CPT1C: variants seen among roughly 807,000 people sequenced by gnomAD.
CPT1C encodes carnitine palmitoyltransferase 1C, also known as palmitoyl thioesterase CPT1C.
In CPT1C, 61 loss-of-function variants were observed where a neutral mutation model predicts 97.3. The observed-to-expected ratio is 0.63, with a 90% CI of 0.51 to 0.78. The LOEUF is 0.78. Ranked by LOEUF, CPT1C falls within the 30% of genes least tolerant of loss-of-function variation. The pLI, the probability that CPT1C is intolerant of heterozygous loss-of-function variation, is 0.00. For synonymous variants in CPT1C, 469 were observed against 447.2 expected (o/e 1.05, Z -0.61); for missense variants, 975 against 1,065.5 (o/e 0.92, Z 1.18).
intron 17 of CPT1C, 122 bp downstream of exon 17, chr19:49,712,083 C>A: frequency 8.2e-7 from 1 of 1,220,618 alleles, no homozygotes; most frequent in Non-Finnish European, 1.1e-6. Context: ...TGGCTCACGC[C>A]TGTAATCCCA....
chr19:49,705,194 C>G lies in CPT1C; in HGVS notation c.880-20C>G, dbSNP rs745995686. 2 of 1,614,110 alleles carry G rather than the reference C, an allele frequency of 1.2e-6. No individual in the cohort carries two copies. Among genetic ancestry groups the G allele is most frequent in the Admixed American group, 3.3e-5 (2 of 60,016 alleles). On this transcript the variant is annotated intron_variant, in intron 9 of 19. Coordinates refer to ENST00000598293, the MANE Select transcript of CPT1C (RefSeq NM_001199753.2). Reference sequence around the variant, plus strand: ...CACGTGGGTCCTGGAAGGCAGCTCACAGCCCACGGTTTCCTGCAGACTTTG... The same window carrying G: ...CACGTGGGTCCTGGAAGGCAGCTCAGAGCCCACGGTTTCCTGCAGACTTTG...
intron 17 of CPT1C, 105 bp downstream of exon 17, chr19:49,712,066 G>A (rs755450851): frequency 5.8e-6 from 8 of 1,378,016 alleles, no homozygotes; most frequent in Non-Finnish European, 6.9e-6. Context: ...ATCAAGGCCG[G>A]GCACGGTGGC....
rs1305834135 is a variant in CPT1C at position 49,706,373 on chromosome 19, G to A, written c.1303G>A (p.Ala435Thr). Residue 435 changes from alanine to threonine, a missense_variant, in exon 12 of 20, where the codon GCC becomes ACC. By Grantham distance (58) the Ala-to-Thr change is moderately conservative. Coordinates refer to ENST00000598293, the MANE Select transcript of CPT1C (RefSeq NM_001199753.2). The surrounding 1 kb of genome is among the most constrained non-coding windows in gnomAD (Gnocchi z 4.8). ...GGAGGACCCGGCAGCGTCGTTGGAT[G>A]CCTACGCCCATGCTCTGCTGGCCGG... ...TREDPAASLD[A>T]YAHALLAGRG... 8 of 1,509,822 alleles carry A rather than the reference G, an allele frequency of 5.3e-6. No homozygotes were observed. The highest frequency in any genetic ancestry group is 6.2e-6 in the Non-Finnish European group (7 of 1,135,300). The allele number at this position is 1,509,822 out of a possible 1,614,324, so 93.5% of individuals were successfully genotyped here.
intron 13 of CPT1C, 99 bp from the exon 14 acceptor site, chr19:49,708,624 C>G (rs1354765290): frequency 2.4e-6 from 2 of 834,130 alleles, no homozygotes; most frequent in Non-Finnish European, 4.2e-6. Flanking sequence ...TCAGGGACTG[C>G]CCCCTACCCG....
At chr19:49,707,679 G>A (rs1022596134) in intron 13 of CPT1C, 56 bp downstream of exon 13, 17 of 1,170,040 alleles carry the variant, frequency 1.5e-5, no homozygotes, top group African/African-American at 4.6e-5. Flanking sequence ...TCCAAAGACC[G>A]TCCTCTCCAG....
Position 49,712,999 on chromosome 19 carries a change from T to C in CPT1C, c.2161T>C (p.Tyr721His). 3.1e-6 allele frequency: 5 copies of C among 1,614,032 alleles called. No homozygotes were observed. Among genetic ancestry groups the C allele is most frequent in the Non-Finnish European group, 4.2e-6 (5 of 1,179,978 alleles). ...TGATGACCATGGTTATGGTGTTTCTTATATCTTCATGGGGGATGGCATGAT... is the reference window on the plus strand; with the variant it reads ...TGATGACCATGGTTATGGTGTTTCTCATATCTTCATGGGGGATGGCATGAT... ...PADDHGYGVSYIFMGDGMITF... is the reference protein window; with the variant it reads ...PADDHGYGVSHIFMGDGMITF... The change falls in exon 19 of 20, where the codon TAT (tyrosine) becomes CAT (histidine). Residue 721 changes from tyrosine (Y) to histidine (H), a missense_variant. Tyr to His is a moderately conservative substitution (Grantham distance 83). Transcript: ENST00000598293.
At position 49,713,419 on chromosome 19, in the gene CPT1C, G is replaced by C. The variant is rs2084050162; in HGVS notation, c.2227-1G>C. ...CTGGCTCTGACCTGTTCTCCTTCCA[G>C]GATTCCCACAGGCTGGGGCAGCACA... On this transcript the variant is annotated splice_acceptor_variant, in intron 19 of 19. Transcript: ENST00000598293. LOFTEE classifies it high-confidence loss of function. 6.2e-7 allele frequency: 1 copy of C among 1,609,304 alleles called. No individual in the cohort carries two copies. Among genetic ancestry groups the C allele is most frequent in the Non-Finnish European group, 8.5e-7 (1 of 1,177,870 alleles).
At chr19:49,711,014 G>C (rs536716160) in intron 16 of CPT1C, 157 bp downstream of exon 16, 16 of 691,058 alleles carry the variant, frequency 2.3e-5, no homozygotes, top group South Asian at 2.2e-4. Context: ...GCTCACTGAT[G>C]GGGGGAGACA....
At chr19:49,713,278 C>T (rs969459421) in intron 19 of CPT1C, 142 bp from the exon 20 acceptor site, 3 of 835,622 alleles carry the variant, frequency 3.6e-6, no homozygotes, top group Non-Finnish European at 3.7e-6. Flanking sequence ...GGCCCCCAGC[C>T]CCTCCTCCCT....
chr19:49,697,835 A>G (rs12984268), intron 4 of CPT1C: 22,814 of 176,424 alleles, frequency 0.13, 1,757 homozygotes, highest in Non-Finnish European at 0.17. Context: ...ATCAACTGAG[A>G]TCAGGAGTTC....
Position 49,711,817 on chromosome 19 carries a change from G to A in CPT1C, c.1875G>A (p.Gln625=). The A allele has an allele frequency of 6.2e-7, 1 of 1,611,514 alleles. No homozygotes were observed. Among genetic ancestry groups the A allele is most frequent in the Non-Finnish European group, 8.5e-7 (1 of 1,179,316 alleles). Residue 625 remains glutamine, a synonymous_variant, in exon 17 of 20, where the codon CAG becomes CAA. Transcript: ENST00000598293. ...CTCCCTGGGGACTGCAGGACCCACA[G>A]TGCCTCGCCCTGTTCCGCGTGGCAG... ...AMEDKEKTDP[Q]CLALFRVAVD... is the part of the protein sequence containing the mutation.
Position 49,701,198 on chromosome 19 carries a change from C to G in CPT1C, c.454-119C>G, listed in dbSNP as rs2083029582. 4.1e-5 allele frequency: 33 copies of G among 799,572 alleles called. No homozygotes were observed. The East Asian group carries it at 9.0e-4, about 22-fold the overall frequency. The allele number at this position is 799,572 out of a possible 1,614,324, so 49.5% of individuals were successfully genotyped here. A position where few individuals can be genotyped will look rare whatever the true frequency, so the allele number is the denominator to read the frequency against. ...TCTGTTCCTTTCTCTCTTGGGGTCT[C>G]CGATGCTCTTAAGTCTCTGTGTCCT... On this transcript the variant is annotated intron_variant, in intron 5 of 19. Coordinates refer to ENST00000598293, the MANE Select transcript of CPT1C (RefSeq NM_001199753.2).
chr19:49,694,069 AAAAAT>A (rs1354961809), intron 3 of CPT1C, among the ~76,000 whole-genome samples: 2 of 138,630 alleles, frequency 1.4e-5, no homozygotes, highest in South Asian at 2.2e-4. Flanking sequence ...CGTCTCAAAA[AAAAAT>A]AAAATAAAAT....
intron 7 of CPT1C, among the ~76,000 whole-genome samples, chr19:49,702,713 TC>T (rs1270470107): frequency 6.7e-6 from 1 of 150,236 alleles, no homozygotes; most frequent in East Asian, 1.9e-4. Context: ...AGACTGAGGA[TC>T]CTGGACTCTT....
At chr19:49,697,237 T>G in intron 3 of CPT1C, 89 bp from the exon 4 acceptor site, 1 of 1,553,972 alleles carries the variant, frequency 6.4e-7, no homozygotes, top group Non-Finnish European at 8.9e-7. Context: ...GGCTCCGCAC[T>G]GGGTGCTCAG....
At position 49,706,181 on chromosome 19, in the gene CPT1C, C is replaced by T; in HGVS notation, c.1161-50C>T. 6.5e-7 allele frequency: 1 copy of T among 1,548,450 alleles called. No homozygotes were observed. Among genetic ancestry groups the T allele is most frequent in the Middle Eastern group, 1.7e-4 (1 of 5,756 alleles). On this transcript the variant is annotated intron_variant, in intron 11 of 19. Coordinates refer to ENST00000598293, the MANE Select transcript of CPT1C (RefSeq NM_001199753.2). The surrounding 1 kb of genome is among the most constrained non-coding windows in gnomAD (Gnocchi z 4.8). ...GAGACTGTGGAAGGGCAGGGTGGGGCCAGGTGGCGGCTGGGCAGGATGGAC... is the reference window on the plus strand; with the variant it reads ...GAGACTGTGGAAGGGCAGGGTGGGGTCAGGTGGCGGCTGGGCAGGATGGAC...
In CPT1C at chr19:49,713,727, C is replaced by T. The variant is rs866374940; in HGVS notation, c.*122C>T. The T allele has an allele frequency of 1.1e-6, 1 of 914,874 alleles. No individual in the cohort carries two copies. Among genetic ancestry groups the T allele is most frequent in the Middle Eastern group, 2.3e-4 (1 of 4,412 alleles). The allele number at this position is 914,874 out of a possible 1,614,324, so 56.7% of individuals were successfully genotyped here. A position where few individuals can be genotyped will look rare whatever the true frequency, so the allele number is the denominator to read the frequency against. ...ATCCAGGCCAATAAAGATGTGTGAG[C>T]TGGGTGTGTGGTGTCTGCTATGCTC... On this transcript the variant is annotated 3_prime_UTR_variant, in exon 20 of 20. Transcript: ENST00000598293.
intron 19 of CPT1C, 162 bp downstream of exon 19, chr19:49,713,226 G>T (rs1443144740): frequency 1.4e-6 from 1 of 724,866 alleles, no homozygotes; most frequent in East Asian, 2.7e-5. Context: ...AGACCCGGGA[G>T]TCCAGGCCCC....
upstream of CPT1C, chr19:49,691,037 G>A (rs1206102288): frequency 6.6e-6 from 1 of 152,324 alleles, no homozygotes; most frequent in Non-Finnish European, 1.5e-5. Flanking sequence ...ACGGATGTAG[G>A]GGATTGGACG....
Sources: allele counts gnomAD v4.1 joint callset (sites outside exome capture counted in the v4.1 genomes callset), GRCh38; gene constraint gnomAD v4.1.1; non-coding constraint Gnocchi (gnomAD v3.1); transcripts MANE v1.5; gene names NCBI Gene and HGNC (gene_info 2026-07-23, HGNC 2026-07-21).